CA8: variants seen among roughly 807,000 people sequenced by gnomAD.
CA8 encodes the protein carbonic anhydrase 8 (inactive).
A neutral mutation model predicts 41.4 loss-of-function variants in CA8; 22 were observed. That is an observed-to-expected ratio of 0.53 (90% CI 0.38 to 0.76). CA8 has a LOEUF of 0.76. CA8 is among the 30% of genes least tolerant of loss of function. The pLI is 0.00. For missense variants in CA8, 270 were observed against 352.8 expected, an observed-to-expected ratio of 0.77 and a Z score of 1.88; for synonymous variants, 121 against 130.6, an observed-to-expected ratio of 0.93 and a Z score of 0.50.
chr8:60,269,497 T>C (rs2130608167), intron 2 of CA8, among the ~76,000 whole-genome samples: 1 of 152,348 alleles, frequency 6.6e-6, no homozygotes, highest in South Asian at 2.1e-4. Context: ...TAATGCTCTT[T>C]AATACGCTTG....
intron 8 of CA8, among the ~76,000 whole-genome samples, chr8:60,192,143 T>C (rs963231306): frequency 6.6e-6 from 1 of 152,122 alleles, no homozygotes; most frequent in Non-Finnish European, 1.5e-5. Context: ...TCTTATTAGC[T>C]TTACCTGCCT....
intron 3 of CA8, among the ~76,000 whole-genome samples, chr8:60,263,705 G>T (rs1803811884): frequency 6.6e-6 from 1 of 152,176 alleles, no homozygotes; most frequent in African/African-American, 2.4e-5. Context: ...GTCCCAGGAT[G>T]TTCTTCCACA....
intron 7 of CA8, among the ~76,000 whole-genome samples, chr8:60,216,072 C>T (rs1001751846): frequency 6.6e-6 from 1 of 152,162 alleles, no homozygotes; most frequent in African/African-American, 2.4e-5. Flanking sequence ...ATTCATTGTT[C>T]CTTTTGCTAT....
At chr8:60,209,212 A>T (rs184518479) in intron 7 of CA8, among the ~76,000 whole-genome samples, 1 of 152,324 alleles carries the variant, frequency 6.6e-6, no homozygotes, top group Non-Finnish European at 1.5e-5. Flanking sequence ...CAGGCCGGGC[A>T]CAGTGGCTCA....
At chr8:60,194,739 G>A (rs868425153) in intron 8 of CA8, among the ~76,000 whole-genome samples, 4 of 152,098 alleles carry the variant, frequency 2.6e-5, no homozygotes, top group Non-Finnish European at 5.9e-5. Context: ...TCATGCGAAC[G>A]GGTTTGTTCC....
chr8:60,207,780 C>T (rs1806682343), intron 8 of CA8, among the ~76,000 whole-genome samples: 1 of 152,152 alleles, frequency 6.6e-6, no homozygotes, highest in Non-Finnish European at 1.5e-5. Context: ...GTTTGAGACA[C>T]GATCTCAATC....
At chr8:60,247,089 T>C (rs934261835) in intron 3 of CA8, among the ~76,000 whole-genome samples, 5 of 152,156 alleles carry the variant, frequency 3.3e-5, no homozygotes, top group Admixed American at 6.5e-5. Context: ...TTCACGGTGT[T>C]AGCCAGGATG....
intron 3 of CA8, among the ~76,000 whole-genome samples, chr8:60,261,857 G>A (rs1012757811): frequency 2.6e-5 from 4 of 152,140 alleles, no homozygotes; most frequent in South Asian, 2.1e-4. Flanking sequence ...GACTACAGGC[G>A]CCCGTCACCA....
At chr8:60,258,723 A>T (rs1803634695) in intron 3 of CA8, among the ~76,000 whole-genome samples, 1 of 152,182 alleles carries the variant, frequency 6.6e-6, no homozygotes, top group East Asian at 1.9e-4. Flanking sequence ...ACAGTAACAG[A>T]TCATCAGGCA....
Position 60,229,707 on chromosome 8 carries a change from CG to C in CA8, c.513+2576del, listed in dbSNP as rs1807574120. Among the ~76,000 whole-genome samples the C allele has an allele frequency of 2.0e-5, 3 of 152,152 alleles. No individual in the cohort carries two copies. In the South Asian group the frequency reaches 6.2e-4, roughly 32 times the overall value. On this transcript the variant is annotated intron_variant, in intron 4 of 8. Transcript: ENST00000317995. ...GACTGGCCTCTCTGACCAGATGCCC[CG>C]GGCCATCCAGCTCTCCTGCTCTTTC...
In CA8 at chr8:60,222,498, A is replaced by AT. The variant is rs1807286369; in HGVS notation, c.738+150dup. ...GATTCTGTCCATCCTTGACCTTTCA[A>AT]TCACTTTCACTAGTTCAAGCCATTT... On this transcript the variant is annotated intron_variant, in intron 7 of 8. Transcript: ENST00000317995. 5.9e-6 allele frequency: 4 copies of AT among 680,844 alleles called. No homozygotes were observed. In the African/African-American group the frequency reaches 7.1e-5, roughly 12 times the overall value. 42.2% of individuals were successfully genotyped at this position (680,844 alleles called of 1,614,324 possible).
Position 60,189,958 on chromosome 8 carries a change from AG to A in CA8, c.*62del, listed in dbSNP as rs1806067254. The A allele has an allele frequency of 6.6e-6, 1 of 151,398 alleles. No individual in the cohort carries two copies. Among genetic ancestry groups the A allele is most frequent in the Admixed American group, 6.6e-5 (1 of 15,200 alleles). The allele number at this position is 151,398 out of a possible 1,614,324, so 9.4% of individuals were successfully genotyped here. ...CTCAAAAGTTTCCTTTTCTTATCCA[AG>A]GGCATTATAGGACCATTGTCTTCCT... On this transcript the variant is annotated 3_prime_UTR_variant, in exon 9 of 9. Coordinates refer to ENST00000317995, the MANE Select transcript of CA8 (RefSeq NM_004056.6).
intron 3 of CA8, among the ~76,000 whole-genome samples, chr8:60,257,733 C>T (rs1373409935): frequency 1.3e-5 from 2 of 152,272 alleles, no homozygotes; most frequent in East Asian, 1.9e-4. Context: ...TACAGTGACC[C>T]GTGACTGGTT....
chr8:60,259,379 T>C (rs565340558), intron 3 of CA8, among the ~76,000 whole-genome samples: 1 of 152,330 alleles, frequency 6.6e-6, no homozygotes, highest in East Asian at 1.9e-4. Flanking sequence ...CCTTCTATCA[T>C]AAAATCAGCT....
chr8:60,206,526 C>T (rs1288686592), intron 8 of CA8, among the ~76,000 whole-genome samples: 1 of 152,100 alleles, frequency 6.6e-6, no homozygotes, highest in Non-Finnish European at 1.5e-5. Flanking sequence ...CTAACTAAAC[C>T]TAGACTGGAG....
At chr8:60,255,592 T>C (rs987133672) in intron 3 of CA8, among the ~76,000 whole-genome samples, 2 of 152,228 alleles carry the variant, frequency 1.3e-5, no homozygotes, top group African/African-American at 4.8e-5. Flanking sequence ...TACTTGCCTT[T>C]GGGTTCCCAA....
chr8:60,260,872 T>C (rs1803711649), intron 3 of CA8, among the ~76,000 whole-genome samples: 3 of 152,244 alleles, frequency 2.0e-5, no homozygotes, highest in Non-Finnish European at 4.4e-5. Context: ...ATTTGAGATG[T>C]TCCTGAAAGT....
rs34254518 is a variant in CA8, at chr8:60,272,389, C to CAA, written c.293-6342_293-6341dup. Among the ~76,000 whole-genome samples, 691 of 143,882 alleles carry CAA rather than the reference C, an allele frequency of 4.8e-3. 6 individuals carry two copies. Among genetic ancestry groups the CAA allele is most frequent in the African/African-American group, 0.016 (634 of 38,850 alleles). The allele number at this position is 143,882 out of a possible 152,430, so 94.4% of individuals were successfully genotyped here. ...ATGTTCTAATTATGACTTTATCCTACAAAAAAAAAAAAGAAAGGTTCTACT... is the reference window on the plus strand; with the variant it reads ...ATGTTCTAATTATGACTTTATCCTACAAAAAAAAAAAAAAGAAAGGTTCTACT... On this transcript the variant is annotated intron_variant, in intron 2 of 8. Transcript: ENST00000317995.
chr8:60,254,925 G>T lies in CA8; in HGVS notation c.417+11000C>A, dbSNP rs189763520. Reference sequence around the variant, plus strand: ...ACAAAAAGGGATGTACAAAATCCCAGACGGCTAAAATGAACAAACCTGTAG... The same window carrying T: ...ACAAAAAGGGATGTACAAAATCCCATACGGCTAAAATGAACAAACCTGTAG... On this transcript the variant is annotated intron_variant, in intron 3 of 8. Coordinates refer to ENST00000317995, the MANE Select transcript of CA8 (RefSeq NM_004056.6). 3.7e-3 allele frequency among the ~76,000 whole-genome samples: 571 copies of T among 152,296 alleles called. 2 individuals are homozygous for T. The highest frequency in any genetic ancestry group is 0.014 in the Middle Eastern group (4 of 294).
Sources: allele counts gnomAD v4.1 joint callset (sites outside exome capture counted in the v4.1 genomes callset), GRCh38; gene constraint gnomAD v4.1.1; transcripts MANE v1.5; gene names NCBI Gene and HGNC (gene_info 2026-07-23, HGNC 2026-07-21).